The following LRRC69 variants were observed in gnomAD, a reference collection of about 807,000 sequenced individuals.
LRRC69 encodes the protein leucine rich repeat containing 69.
A neutral mutation model predicts 37.8 loss-of-function variants in LRRC69; 42 were observed. The observed-to-expected ratio is 1.11, with a 90% CI of 0.87 to 1.44. The LOEUF is 1.44. Ranked by LOEUF, LRRC69 falls within the 40% of genes most tolerant of loss-of-function variation. LRRC69 has a pLI of 0.00. For synonymous variants in LRRC69, 141 were observed against 143.1 expected, an observed-to-expected ratio of 0.99 and a Z score of 0.11; for missense variants, 357 against 401.9, an observed-to-expected ratio of 0.89 and a Z score of 0.96.
At chr8:91,180,253 C>T (rs975313375) in intron 5 of LRRC69, among the ~76,000 whole-genome samples, 1 of 152,114 alleles carries the variant, frequency 6.6e-6, no homozygotes, top group Non-Finnish European at 1.5e-5. Context: ...GCTGGAATTG[C>T]AGTCATCTGA....
In LRRC69 at chr8:91,192,855, A is replaced by G. The variant is rs868198665; in HGVS notation, c.753+3232A>G. ...TGCAGAAGCTCTTTAGTTTAATTAG[A>G]TCCCATTTGTCAATTTTGGCTTTTG... On this transcript the variant is annotated intron_variant, in intron 6 of 7. Coordinates refer to ENST00000448384, the Ensembl canonical transcript of LRRC69. Among the ~76,000 whole-genome samples the G allele has an allele frequency of 1.9e-4, 29 of 150,536 alleles. No individual in the cohort carries two copies. The South Asian group carries it at 2.7e-3, about 14-fold the overall frequency.
chr8:91,118,733 T>C (rs1447204435), intron 1 of LRRC69, among the ~76,000 whole-genome samples: 6 of 152,054 alleles, frequency 3.9e-5, no homozygotes, highest in Admixed American at 3.9e-4. Flanking sequence ...CTTTAAAGCT[T>C]ATCAAATAGT....
intron 5 of LRRC69, among the ~76,000 whole-genome samples, chr8:91,165,230 G>T (rs1209341768): frequency 6.6e-6 from 1 of 151,606 alleles, no homozygotes; most frequent in Non-Finnish European, 1.5e-5. Context: ...GATAAAATGG[G>T]AATGTCAAAG....
intron 1 of LRRC69, among the ~76,000 whole-genome samples, chr8:91,112,931 A>T (rs1813434301): frequency 6.6e-6 from 1 of 152,036 alleles, no homozygotes; most frequent in Non-Finnish European, 1.5e-5. Flanking sequence ...TATACAAGGA[A>T]TAAAGTATCT....
chr8:91,170,237 C>T (rs1244682234), intron 5 of LRRC69, among the ~76,000 whole-genome samples: 3 of 128,336 alleles, frequency 2.3e-5, no homozygotes, highest in African/African-American at 9.1e-5. Context: ...GAGATGGTAT[C>T]TCATTGTGGT....
At chr8:91,129,160 G>A (rs138500969) in intron 3 of LRRC69, among the ~76,000 whole-genome samples, 1 of 152,006 alleles carries the variant, frequency 6.6e-6, no homozygotes, top group Non-Finnish European at 1.5e-5. Context: ...CATGGACAGC[G>A]CTGCACAGGC....
At chr8:91,181,243 T>C (rs1369285848) in intron 5 of LRRC69, among the ~76,000 whole-genome samples, 1 of 152,140 alleles carries the variant, frequency 6.6e-6, no homozygotes, top group Non-Finnish European at 1.5e-5. Context: ...GATTTAGAAA[T>C]AAAGTTGTTA....
intron 1 of LRRC69, among the ~76,000 whole-genome samples, chr8:91,109,538 A>T (rs897147501): frequency 2.0e-5 from 3 of 152,074 alleles, no homozygotes; most frequent in African/African-American, 7.2e-5. Context: ...TTTTAATTGA[A>T]TTCTAATAAT....
intron 7 of LRRC69, among the ~76,000 whole-genome samples, chr8:91,215,453 T>C (rs1810026774): frequency 3.3e-5 from 5 of 152,126 alleles, no homozygotes; most frequent in Admixed American, 3.3e-4. Flanking sequence ...AATTCTACCA[T>C]TCAACAAACA....
intron 7 of LRRC69, among the ~76,000 whole-genome samples, chr8:91,209,153 G>A (rs1408344950): frequency 2.6e-5 from 4 of 152,200 alleles, no homozygotes; most frequent in African/African-American, 4.8e-5. Flanking sequence ...GGGGCCAGGC[G>A]TGGTGGCTCA....
chr8:91,167,168 GT>G (rs1809044922), intron 5 of LRRC69, among the ~76,000 whole-genome samples: 1 of 151,840 alleles, frequency 6.6e-6, no homozygotes, highest in South Asian at 2.1e-4. Flanking sequence ...TTGTTATGCT[GT>G]TAATAAAGAC....
intron 7 of LRRC69, among the ~76,000 whole-genome samples, chr8:91,217,903 T>C (rs1810083249): frequency 6.6e-6 from 1 of 152,184 alleles, no homozygotes; most frequent in Non-Finnish European, 1.5e-5. Flanking sequence ...ATCCTCTAAG[T>C]GCTTCACAGC....
chr8:91,130,558 A>T (rs1430496625), intron 3 of LRRC69: 1 of 152,064 alleles, frequency 6.6e-6, no homozygotes, highest in Admixed American at 6.6e-5. Flanking sequence ...TGTAGGCGTG[A>T]GCCACCATGC....
At chr8:91,133,645 T>C (rs1813850594) in intron 4 of LRRC69, among the ~76,000 whole-genome samples, 1 of 152,100 alleles carries the variant, frequency 6.6e-6, no homozygotes, top group Non-Finnish European at 1.5e-5. Flanking sequence ...TCTTTCTTTC[T>C]TCTTTTTGAG....
At chr8:91,195,822 T>C (rs2130620359) in intron 6 of LRRC69, among the ~76,000 whole-genome samples, 2 of 151,122 alleles carry the variant, frequency 1.3e-5, no homozygotes, top group East Asian at 3.9e-4. Flanking sequence ...TGTCTTTTAA[T>C]TGGAGCATTT....
At chr8:91,128,212 G>C (rs1233135575) in intron 3 of LRRC69, among the ~76,000 whole-genome samples, 1 of 151,974 alleles carries the variant, frequency 6.6e-6, no homozygotes, top group African/African-American at 2.4e-5. Context: ...CTTTGGACCA[G>C]TAATTTAACT....
At chr8:91,113,829 A>T (rs1813454416) in intron 1 of LRRC69, among the ~76,000 whole-genome samples, 1 of 151,786 alleles carries the variant, frequency 6.6e-6, no homozygotes, top group South Asian at 2.1e-4. Flanking sequence ...TAAAATACAA[A>T]ATATATAAGG....
chr8:91,141,074 A>G (rs1808523408), intron 5 of LRRC69, among the ~76,000 whole-genome samples: 1 of 152,076 alleles, frequency 6.6e-6, no homozygotes, highest in South Asian at 2.1e-4. Context: ...CAAGCCTTTG[A>G]GAACAAGGAT....
chr8:91,178,034 G>C (rs565254384), intron 5 of LRRC69, among the ~76,000 whole-genome samples: 1 of 151,948 alleles, frequency 6.6e-6, no homozygotes, highest in Non-Finnish European at 1.5e-5. Context: ...GTTTTTAGTA[G>C]AGACGGGGTT....
Sources: allele counts gnomAD v4.1 joint callset (sites outside exome capture counted in the v4.1 genomes callset), GRCh38; gene constraint gnomAD v4.1.1; transcripts MANE v1.5; gene names NCBI Gene and HGNC (gene_info 2026-07-23, HGNC 2026-07-21).